MKLN1: variants seen among roughly 807,000 people sequenced by gnomAD.
MKLN1 encodes muskelin 1.
MKLN1 carries 18 observed loss-of-function variants against 99.0 expected under a neutral mutation model. The ratio of observed to expected loss-of-function variants is 0.18; its 90% CI spans 0.13 to 0.27. The LOEUF (loss-of-function observed/expected upper bound fraction) is 0.27, where lower values mean the gene tolerates loss of function less well. Ranked by LOEUF, MKLN1 falls within the 10% of genes least tolerant of loss-of-function variation. The pLI is 1.00. For synonymous variants in MKLN1, 288 were observed against 293.2 expected (o/e 0.98, Z 0.18); for missense variants, 621 against 875.9 (o/e 0.71, Z 3.67).
intron 3 of MKLN1, among the ~76,000 whole-genome samples, chr7:131,272,411 A>G (rs1230001575): frequency 6.6e-6 from 1 of 152,254 alleles, no homozygotes; most frequent in Non-Finnish European, 1.5e-5. Flanking sequence ...AGGAAGTACA[A>G]GTAGTCCAAT....
At chr7:131,249,451 A>G (rs1797544019) in intron 3 of MKLN1, among the ~76,000 whole-genome samples, 1 of 152,212 alleles carries the variant, frequency 6.6e-6, no homozygotes, top group African/African-American at 2.4e-5. Context: ...CACTGTGTGG[A>G]GACATGTTTA....
intron 8 of MKLN1, 36 bp downstream of exon 8, chr7:131,414,746 T>G: frequency 7.7e-7 from 1 of 1,300,526 alleles, no homozygotes; most frequent in Non-Finnish European, 1.0e-6. Context: ...AAAATCTTCA[T>G]TGGCTACAGG....
chr7:131,209,279 A>G (rs11767137), intron 3 of MKLN1, among the ~76,000 whole-genome samples: 27,824 of 152,144 alleles, frequency 0.18, 2,996 homozygotes, highest in Non-Finnish European at 0.25. Context: ...GCTCTCAGAA[A>G]GTTTTAAGCA....
chr7:131,369,263 T>G (rs1261291245), intron 1 of MKLN1, among the ~76,000 whole-genome samples: 1 of 152,138 alleles, frequency 6.6e-6, no homozygotes, highest in Non-Finnish European at 1.5e-5. Context: ...GAAATGAGAG[T>G]TCTAGGTGAA....
chr7:131,415,043 G>T (rs984655198), intron 8 of MKLN1, among the ~76,000 whole-genome samples: 1 of 151,640 alleles, frequency 6.6e-6, no homozygotes, highest in African/African-American at 2.4e-5. Flanking sequence ...GCTAAGTGTT[G>T]GTAAGTCCAT....
chr7:131,326,269 C>G (rs1007616309), upstream of MKLN1, among the ~76,000 whole-genome samples: 3 of 152,198 alleles, frequency 2.0e-5, no homozygotes, highest in African/African-American at 7.2e-5. Context: ...ACTACAGTTA[C>G]AGCATTCCCT....
At chr7:131,264,684 G>A (rs1206105719) in intron 3 of MKLN1, among the ~76,000 whole-genome samples, 6 of 151,938 alleles carry the variant, frequency 3.9e-5, no homozygotes, top group South Asian at 4.1e-4. Flanking sequence ...TTGCTTATTC[G>A]TGTTTGTTTT....
intron 3 of MKLN1, among the ~76,000 whole-genome samples, chr7:131,229,807 G>C (rs576756165): frequency 1.3e-5 from 2 of 152,226 alleles, no homozygotes; most frequent in South Asian, 4.1e-4. Flanking sequence ...TCCTGCCTCA[G>C]CCTCCCGAAG....
intron 3 of MKLN1, among the ~76,000 whole-genome samples, chr7:131,316,207 G>A (rs765640918): frequency 4.6e-5 from 7 of 152,164 alleles, no homozygotes; most frequent in African/African-American, 7.2e-5. Context: ...GGAGAGCTCC[G>A]GCTGGCATCA....
At chr7:131,464,532 A>G (rs1042926383) in intron 14 of MKLN1, 124 bp downstream of exon 14, 5 of 558,512 alleles carry the variant, frequency 9.0e-6, no homozygotes, top group East Asian at 5.7e-5. Flanking sequence ...TAGACATTCA[A>G]TAGAATAACA....
At chr7:131,196,230 A>G (rs1400107650) in intron 2 of MKLN1, among the ~76,000 whole-genome samples, 1 of 152,164 alleles carries the variant, frequency 6.6e-6, no homozygotes, top group South Asian at 2.1e-4. Context: ...GTTTCCCCAT[A>G]TTCCATTCCT....
At chr7:131,149,347 A>G (rs1795857444) in intron 2 of MKLN1, among the ~76,000 whole-genome samples, 1 of 152,214 alleles carries the variant, frequency 6.6e-6, no homozygotes, top group South Asian at 2.1e-4. Context: ...TGTCTCCACA[A>G]ATGAAATGTT....
At chr7:131,318,247 C>T (rs541482256) in intron 3 of MKLN1, among the ~76,000 whole-genome samples, 1 of 151,670 alleles carries the variant, frequency 6.6e-6, no homozygotes, top group South Asian at 2.1e-4. Flanking sequence ...GAATGGAAAT[C>T]ATAACAGTCT....
intron 3 of MKLN1, among the ~76,000 whole-genome samples, chr7:131,303,835 T>G (rs1798413068): frequency 6.6e-6 from 1 of 152,194 alleles, no homozygotes; most frequent in African/African-American, 2.4e-5. Context: ...ATATCCCCAT[T>G]GTGATTTTCT....
intron 1 of MKLN1, among the ~76,000 whole-genome samples, chr7:131,125,030 A>C (rs1795432059): frequency 6.6e-6 from 1 of 152,008 alleles, no homozygotes; most frequent in Non-Finnish European, 1.5e-5. Context: ...GCATCCCCCA[A>C]CCCTGGTCTT....
chr7:131,296,480 C>T (rs772962591), intron 3 of MKLN1, among the ~76,000 whole-genome samples: 4 of 152,090 alleles, frequency 2.6e-5, no homozygotes, highest in African/African-American at 4.8e-5. Context: ...AGAGTGGGAA[C>T]GAGATTTTTC....
rs895476417 is a variant in MKLN1, at chr7:131,496,579, GAGAA to G, written c.*8856_*8859del. The G allele has an allele frequency of 1.2e-4, 18 of 152,154 alleles. No homozygotes were observed. Among genetic ancestry groups the G allele is most frequent in the African/African-American group, 2.4e-4 (10 of 41,434 alleles). The allele number at this position is 152,154 out of a possible 1,614,324, so 9.4% of individuals were successfully genotyped here. A position where few individuals can be genotyped will look rare whatever the true frequency, so the allele number is the denominator to read the frequency against. ...TTATGTTGTATGTAATGTACATATG[GAGAA>G]AGAATGTATTTTGTTCATTTTCTTA... is the stretch of plus-strand genomic sequence containing the variant. On this transcript the variant is annotated 3_prime_UTR_variant, in exon 18 of 18. Coordinates refer to ENST00000352689, the MANE Select transcript of MKLN1 (RefSeq NM_013255.5).
rs398006316 is a variant in MKLN1, at chr7:131,340,275, C to CTTTTTTTTTTTT, written c.98+12288_98+12299dup. On this transcript the variant is annotated intron_variant, in intron 1 of 17. Transcript: ENST00000352689. ...CATTTTTTACAGTTTGTAATTACGG[C>CTTTTTTTTTTTT]TTTTTTTTTTTTTTTTTTTTTGAGA... Among the ~76,000 whole-genome samples, 2 of 85,050 alleles carry CTTTTTTTTTTTT rather than the reference C, an allele frequency of 2.4e-5. 1 individual carries two copies. The allele number at this position is 85,050 out of a possible 152,430, so 55.8% of individuals were successfully genotyped here. A position where few individuals can be genotyped will look rare whatever the true frequency, so the allele number is the denominator to read the frequency against.
At chr7:131,152,366 T>TA (rs1430621120) in intron 2 of MKLN1, among the ~76,000 whole-genome samples, 2 of 152,204 alleles carry the variant, frequency 1.3e-5, no homozygotes, top group Non-Finnish European at 2.9e-5. Context: ...TAAGGACTTG[T>TA]AAAAAACATA....
Sources: gnomAD v4.1 joint callset for allele counts (sites outside exome capture counted in the v4.1 genomes callset) on GRCh38, gnomAD v4.1.1 for gene constraint, MANE v1.5 for transcripts, NCBI Gene and HGNC (gene_info 2026-07-23, HGNC 2026-07-21) for gene names.